MACROH2A2: variants seen among roughly 807,000 people sequenced by gnomAD.
The protein encoded by MACROH2A2 is macroH2A.2 histone.
MACROH2A2 carries 6 observed loss-of-function variants against 37.6 expected under a neutral mutation model. The observed-to-expected ratio is 0.16, with a 90% CI of 0.09 to 0.32. The LOEUF (loss-of-function observed/expected upper bound fraction) is 0.32. MACROH2A2 is among the 10% of genes least tolerant of loss of function. The pLI is 1.00. For missense variants in MACROH2A2, 290 were observed against 485.9 expected (o/e 0.60, Z 3.79); for synonymous variants, 192 against 202.7 (o/e 0.95, Z 0.45).
chr10:70,080,528 G>T (rs1339437014), intron 2 of MACROH2A2, among the ~76,000 whole-genome samples: 1 of 152,086 alleles, frequency 6.6e-6, no homozygotes, highest in Non-Finnish European at 1.5e-5. Flanking sequence ...TTGAGTCCAG[G>T]AGTTCCAGAC....
intron 1 of MACROH2A2, among the ~76,000 whole-genome samples, chr10:70,061,813 T>C (rs1171711561): frequency 6.6e-6 from 1 of 152,256 alleles, no homozygotes; most frequent in Non-Finnish European, 1.5e-5. Flanking sequence ...TAATTTGATC[T>C]GCGTGCCATT....
rs1318879468 is a variant in MACROH2A2 at position 70,053,114 on chromosome 10, A to G, written c.-60+114A>G. The G allele has an allele frequency of 1.3e-5, 2 of 152,258 alleles. No homozygotes were observed. The highest frequency in any genetic ancestry group is 6.5e-5 in the Admixed American group (1 of 15,286). 9.4% of individuals were successfully genotyped at this position (152,258 alleles called of 1,614,324 possible). ...GAGAACCACCTCTGCCTCTCCCCCG[A>G]GCCCCTGCGGGCGCACCCTCGATAG... On this transcript the variant is annotated intron_variant, in intron 1 of 8. Transcript: ENST00000373255. This position sits in a 1 kb window ranked among gnomAD's most constrained non-coding sequence, Gnocchi z 4.8.
At position 70,067,569 on chromosome 10, in the gene MACROH2A2, G is replaced by A. The variant is rs550084233; in HGVS notation, c.-59-8031G>A. Among the ~76,000 whole-genome samples the A allele has an allele frequency of 5.6e-4, 86 of 152,290 alleles. 2 individuals carry two copies. The South Asian group carries it at 0.017, about 30-fold the overall frequency. On this transcript the variant is annotated intron_variant, in intron 1 of 8. Transcript: ENST00000373255. Reference sequence around the variant, plus strand: ...AGAAAGTCTTAACCATGTAAATGGAGTTTAACTTTCAAAATAAATCTAGAG... The same window carrying A: ...AGAAAGTCTTAACCATGTAAATGGAATTTAACTTTCAAAATAAATCTAGAG...
intron 1 of MACROH2A2, among the ~76,000 whole-genome samples, chr10:70,071,738 G>A (rs764528381): frequency 6.6e-6 from 1 of 152,170 alleles, no homozygotes; most frequent in Non-Finnish European, 1.5e-5. Context: ...ACTGAATACT[G>A]CAGGCAATGG....
In MACROH2A2 at chr10:70,091,944, C is replaced by T. The variant is rs998380581; in HGVS notation, c.467C>T (p.Thr156Met). Residue 156 changes from threonine (T) to methionine (M), a missense_variant, in exon 4 of 9, where the codon ACG (threonine) becomes ATG (methionine). By Grantham distance (81) the Thr-to-Met change is moderately conservative. Transcript: ENST00000373255. ...GKKSKAAKPR[T>M]SKKSKPKDSD... ...AAATCCAAGGCTGCCAAACCACGGA[C>T]GTCCAAAAAGGTAGGCCGAGGCTGC... The T allele has an allele frequency of 4.3e-6, 7 of 1,613,276 alleles. No individual in the cohort carries two copies. Among genetic ancestry groups the T allele is most frequent in the Admixed American group, 3.3e-5 (2 of 60,016 alleles).
intron 2 of MACROH2A2, among the ~76,000 whole-genome samples, chr10:70,077,404 C>T (rs188643002): frequency 6.6e-6 from 1 of 151,706 alleles, no homozygotes; most frequent in African/African-American, 2.4e-5. Context: ...CCCATCTCTA[C>T]TAAAAATACA....
intron 2 of MACROH2A2, among the ~76,000 whole-genome samples, chr10:70,084,889 G>T (rs1428238883): frequency 6.6e-6 from 1 of 152,084 alleles, no homozygotes; most frequent in Non-Finnish European, 1.5e-5. Context: ...ACCACACCCG[G>T]CTAGGAGCAT....
intron 1 of MACROH2A2, among the ~76,000 whole-genome samples, chr10:70,065,133 A>C (rs138551923): frequency 6.7e-6 from 1 of 150,370 alleles, no homozygotes; most frequent in Admixed American, 6.7e-5. Context: ...TGCAACCTCT[A>C]CCTCCCAGGT....
At chr10:70,106,171 T>C (rs1229083726) in intron 7 of MACROH2A2, among the ~76,000 whole-genome samples, 1 of 152,178 alleles carries the variant, frequency 6.6e-6, no homozygotes, top group African/African-American at 2.4e-5. Flanking sequence ...ATGGCTCACC[T>C]GGGGGAAGGT....
At chr10:70,066,493 G>T (rs1179460293) in intron 1 of MACROH2A2, among the ~76,000 whole-genome samples, 3 of 152,150 alleles carry the variant, frequency 2.0e-5, no homozygotes, top group Non-Finnish European at 4.4e-5. Context: ...AAGACCGCTG[G>T]CTAAAACACT....
At chr10:70,090,291 G>A in intron 3 of MACROH2A2, 125 bp downstream of exon 3, 3 of 657,682 alleles carry the variant, frequency 4.6e-6, no homozygotes, top group Non-Finnish European at 5.4e-6. Flanking sequence ...AAAAACTCAG[G>A]CCATATAAAA....
intron 1 of MACROH2A2, among the ~76,000 whole-genome samples, chr10:70,071,995 AAATT>A (rs1213787946): frequency 6.6e-6 from 1 of 152,230 alleles, no homozygotes; most frequent in East Asian, 1.9e-4. Context: ...CCTTAATAAT[AAATT>A]AACCTTACCC....
chr10:70,084,490 G>A (rs1396644185), intron 2 of MACROH2A2, among the ~76,000 whole-genome samples: 6 of 152,144 alleles, frequency 3.9e-5, no homozygotes, highest in Non-Finnish European at 8.8e-5. Flanking sequence ...TTAAAACTGC[G>A]AGCCCAGGTT....
intron 2 of MACROH2A2, among the ~76,000 whole-genome samples, chr10:70,076,285 A>G (rs1349507979): frequency 6.6e-6 from 1 of 152,224 alleles, no homozygotes; most frequent in Admixed American, 6.5e-5. Context: ...CATAAATAAC[A>G]TTTATCGCAT....
intron 7 of MACROH2A2, among the ~76,000 whole-genome samples, chr10:70,103,785 A>G (rs1285836566): frequency 6.6e-6 from 1 of 150,908 alleles, no homozygotes; most frequent in Non-Finnish European, 1.5e-5. Context: ...TCTCATCAGC[A>G]AAAAAAAAGA....
At chr10:70,072,372 G>A (rs2136623355) in intron 1 of MACROH2A2, among the ~76,000 whole-genome samples, 1 of 152,110 alleles carries the variant, frequency 6.6e-6, no homozygotes, top group East Asian at 1.9e-4. Context: ...TTCACATCTT[G>A]TCCACTGGAA....
At chr10:70,076,981 C>A (rs1417428901) in intron 2 of MACROH2A2, among the ~76,000 whole-genome samples, 8 of 144,608 alleles carry the variant, frequency 5.5e-5, no homozygotes. Flanking sequence ...ACCAGGCAGA[C>A]CTCTGCATCA....
At position 70,075,590 on chromosome 10, in the gene MACROH2A2, T is replaced by G; in HGVS notation, c.-59-10T>G. The G allele has an allele frequency of 6.8e-7, 1 of 1,478,702 alleles. No homozygotes were observed. The highest frequency in any genetic ancestry group is 9.4e-7 in the Non-Finnish European group (1 of 1,064,332). 91.6% of individuals were successfully genotyped at this position (1,478,702 alleles called of 1,614,324 possible). A position where few individuals can be genotyped will look rare whatever the true frequency, so the allele number is the denominator to read the frequency against. On this transcript the variant is annotated splice_polypyrimidine_tract_variant and intron_variant, in intron 1 of 8. Coordinates refer to ENST00000373255, the MANE Select transcript of MACROH2A2 (RefSeq NM_018649.3). This position sits in a 1 kb window ranked among gnomAD's most constrained non-coding sequence, Gnocchi z 5.0. The stretch of plus-strand genomic sequence containing the variant: ...TACCCTTCCTCAACTCTGTCTTCTT[T>G]CCTTTTTAGCATTGTGTTAGTGCCG...
In MACROH2A2 at chr10:70,093,661, A is replaced by G. The variant is rs560568526; in HGVS notation, c.478-74A>G. On this transcript the variant is annotated intron_variant, in intron 4 of 8. Transcript: ENST00000373255. The stretch of plus-strand genomic sequence containing the variant: ...CATATTCAACTTGGTGGCAGCCGTG[A>G]GAAGAGCTTAATAAAGGCACCTCAG... 5 of 759,254 alleles carry G rather than the reference A, an allele frequency of 6.6e-6. No individual in the cohort carries two copies. In the East Asian group the frequency reaches 1.3e-4, roughly 19 times the overall value. The allele number at this position is 759,254 out of a possible 1,614,324, so 47.0% of individuals were successfully genotyped here. A position where few individuals can be genotyped will look rare whatever the true frequency, so the allele number is the denominator to read the frequency against.
Sources: gnomAD v4.1 joint callset for allele counts (sites outside exome capture counted in the v4.1 genomes callset) on GRCh38, gnomAD v4.1.1 for gene constraint, Gnocchi (gnomAD v3.1) non-coding constraint, MANE v1.5 for transcripts, NCBI Gene and HGNC (gene_info 2026-07-23, HGNC 2026-07-21) for gene names.